Variants in SLAMF9 observed in about 807,000 individuals in gnomAD.
The protein encoded by SLAMF9 is CD2 family member 10.
A neutral mutation model predicts 30.4 loss-of-function variants in SLAMF9; 25 were observed. The ratio of observed to expected loss-of-function variants is 0.82; its 90% CI spans 0.60 to 1.15. SLAMF9 has a LOEUF of 1.15. Ranked by LOEUF, SLAMF9 falls within the 50% of genes most tolerant of loss-of-function variation. SLAMF9 has a pLI of 0.00. For missense variants in SLAMF9, 344 were observed against 346.1 expected, an observed-to-expected ratio of 0.99 and a Z score of 0.05; for synonymous variants, 129 against 127.2, an observed-to-expected ratio of 1.01 and a Z score of -0.09.
At chr1:159,972,796 C>A in the SLAMF9 span, 3 of 749,308 alleles carry the variant, frequency 4.0e-6, no homozygotes, top group South Asian at 1.4e-4. Context: ...ACAGCAGGGT[C>A]AGCGGGACCG....
intron 1 of SLAMF9, 75 bp from the exon 2 acceptor site, chr1:159,953,728 A>G: frequency 7.4e-7 from 1 of 1,349,616 alleles, no homozygotes; most frequent in South Asian, 1.4e-5. Context: ...TGGAGCTGCC[A>G]GAGTAGCGTA....
At chr1:159,979,729 T>C in the SLAMF9 span, among the ~76,000 whole-genome samples, 2 of 152,002 alleles carry the variant, frequency 1.3e-5, no homozygotes, top group African/African-American at 4.8e-5. Flanking sequence ...TAAGTAAAAC[T>C]GAAGACATAG....
chr1:159,952,131 T>C, intron 3 of SLAMF9, 131 bp downstream of exon 3: 1 of 1,066,594 alleles, frequency 9.4e-7, no homozygotes, highest in Non-Finnish European at 1.4e-6. Context: ...CCAATCCAGG[T>C]GTCAAGCCTC....
At chr1:159,951,894 C>A in intron 3 of SLAMF9, 28 bp from the exon 4 acceptor site, 1 of 1,603,198 alleles carries the variant, frequency 6.2e-7, no homozygotes, top group Non-Finnish European at 8.5e-7. Context: ...AGGAAAGGGC[C>A]CATCAGTGGT....
the SLAMF9 span, among the ~76,000 whole-genome samples, chr1:159,960,419 C>T: frequency 6.6e-6 from 1 of 150,866 alleles, no homozygotes; most frequent in Admixed American, 6.6e-5. Flanking sequence ...AAGTTTGCAC[C>T]TGGGCAGTCT....
rs1390268888 is a variant in SLAMF9 at position 159,952,263 on chromosome 1, T to C, written c.663A>G (p.Ala221=). 6.2e-7 allele frequency: 1 copy of C among 1,613,326 alleles called. No homozygotes were observed. Among genetic ancestry groups the C allele is most frequent in the South Asian group, 1.1e-5 (1 of 91,028 alleles). Reference sequence around the variant, plus strand: ...GGGGTGTCTCAGGGGTTCTGGTACCTGCATAGAAGGGCCCATCAGGGATGG... The same window carrying C: ...GGGGTGTCTCAGGGGTTCTGGTACCCGCATAGAAGGGCCCATCAGGGATGG... ...SCPIPDGPFY[A]DPNYASEKPS... is the part of the protein sequence containing the mutation. The change falls in exon 3 of 4, where the codon GCA becomes GCG. Residue 221 remains alanine (A), a splice_region_variant and synonymous_variant. Coordinates refer to ENST00000368093, the MANE Select transcript of SLAMF9 (RefSeq NM_033438.4).
upstream of SLAMF9, among the ~76,000 whole-genome samples, chr1:159,958,952 A>G (rs1228047134): frequency 6.6e-6 from 1 of 152,174 alleles, no homozygotes; most frequent in Non-Finnish European, 1.5e-5. Context: ...TGTGCCATGT[A>G]ATATTCAAAA....
the SLAMF9 span, chr1:159,973,253 G>C: frequency 1.1e-6 from 1 of 869,988 alleles, no homozygotes; most frequent in Non-Finnish European, 1.9e-6. Flanking sequence ...GAGTGGGGGC[G>C]ACACTCAGTA....
upstream of SLAMF9, among the ~76,000 whole-genome samples, chr1:159,957,325 C>T (rs1257850551): frequency 3.3e-5 from 5 of 151,024 alleles, no homozygotes; most frequent in Non-Finnish European, 7.4e-5. Context: ...GTATTGTATT[C>T]TCAAAAATTG....
At chr1:159,980,961 G>A in the SLAMF9 span, among the ~76,000 whole-genome samples, 1 of 152,224 alleles carries the variant, frequency 6.6e-6, no homozygotes, top group Admixed American at 6.5e-5. Flanking sequence ...TCACAGGAAG[G>A]AGAAGCCTGC....
At chr1:159,953,171 G>T in intron 2 of SLAMF9, 138 bp downstream of exon 2, 1 of 695,530 alleles carries the variant, frequency 1.4e-6, no homozygotes, top group Non-Finnish European at 2.4e-6. Flanking sequence ...CTCAATCACA[G>T]TATCTAGATT....
upstream of SLAMF9, among the ~76,000 whole-genome samples, chr1:159,956,903 A>G (rs866572331): frequency 1.3e-5 from 2 of 151,720 alleles, no homozygotes; most frequent in South Asian, 2.1e-4. Context: ...GGGGATCACA[A>G]GGTCAGGAGA....
At chr1:159,953,986 G>A in intron 1 of SLAMF9, 106 bp downstream of exon 1, 6 of 1,375,580 alleles carry the variant, frequency 4.4e-6, no homozygotes, top group Non-Finnish European at 6.1e-6. Flanking sequence ...CAGAAGAGCT[G>A]ACACATTCAA....
intron 1 of SLAMF9, 36 bp downstream of exon 1, chr1:159,954,056 G>A (rs760264468): frequency 1.9e-6 from 3 of 1,613,410 alleles, no homozygotes; most frequent in Non-Finnish European, 2.5e-6. Flanking sequence ...GAGGTGTAGG[G>A]GACATTCCTG....
At chr1:159,982,059 C>T in the SLAMF9 span, among the ~76,000 whole-genome samples, 1 of 152,218 alleles carries the variant, frequency 6.6e-6, no homozygotes, top group Non-Finnish European at 1.5e-5. Context: ...TTGTCTTGGC[C>T]TCTGCTTCTC....
chr1:159,967,868 T>C, the SLAMF9 span, among the ~76,000 whole-genome samples: 8 of 152,324 alleles, frequency 5.3e-5, no homozygotes, highest in East Asian at 1.5e-3. Flanking sequence ...TTGTTGCTAT[T>C]GTAAATGGGA....
chr1:159,981,915 T>A, the SLAMF9 span, among the ~76,000 whole-genome samples: 3 of 152,240 alleles, frequency 2.0e-5, no homozygotes, highest in South Asian at 6.2e-4. Flanking sequence ...TACCTGATCC[T>A]CTTCCCAGCC....
the SLAMF9 span, among the ~76,000 whole-genome samples, chr1:159,960,551 C>CA: frequency 1.3e-5 from 2 of 151,598 alleles, no homozygotes; most frequent in Non-Finnish European, 2.9e-5. Flanking sequence ...CTGCAACCTC[C>CA]ACCTCCCAGG....
Position 159,954,160 on chromosome 1 carries a change from GGT to G in SLAMF9, c.-25_-24del, listed in dbSNP as rs1651872949. 1 of 1,613,790 alleles carries G rather than the reference GGT, an allele frequency of 6.2e-7. No individual in the cohort carries two copies. The highest frequency in any genetic ancestry group is 1.3e-5 in the African/African-American group (1 of 74,896). ...CATGTCAGCAGCCCCCAGCCCCAGA[GGT>G]GTGATTCAGTCAGTCAGTCCCCAGG... is the stretch of plus-strand genomic sequence containing the variant. On this transcript the variant is annotated 5_prime_UTR_variant, in exon 1 of 4. Coordinates refer to ENST00000368093, the MANE Select transcript of SLAMF9 (RefSeq NM_033438.4).
Sources: allele counts gnomAD v4.1 joint callset (sites outside exome capture counted in the v4.1 genomes callset), GRCh38; gene constraint gnomAD v4.1.1; transcripts MANE v1.5; gene names NCBI Gene and HGNC (gene_info 2026-07-23, HGNC 2026-07-21).